PABPC1: variants seen among roughly 807,000 people sequenced by gnomAD.
PABPC1 encodes polyadenylate-binding protein 1.
PABPC1 carries 4 observed loss-of-function variants against 74.0 expected under a neutral mutation model. The observed-to-expected ratio is 0.05, with a 90% CI of 0.03 to 0.12. The LOEUF (loss-of-function observed/expected upper bound fraction) is 0.12, where lower values mean the gene tolerates loss of function less well. Among genes scored for constraint, PABPC1 ranks in the 10% least tolerant of loss-of-function variants. PABPC1 has a pLI of 1.00. For synonymous variants in PABPC1, 227 were observed against 264.1 expected, an observed-to-expected ratio of 0.86 and a Z score of 1.36; for missense variants, 271 against 821.1, an observed-to-expected ratio of 0.33 and a Z score of 8.19.
intron 1 of PABPC1, among the ~76,000 whole-genome samples, chr8:100,720,791 G>T (rs926605085): frequency 6.6e-6 from 1 of 152,184 alleles, no homozygotes; most frequent in African/African-American, 2.4e-5. Flanking sequence ...ATGAGTTCTG[G>T]GAAGTGGACT....
intron 6 of PABPC1, 78 bp downstream of exon 6, chr8:100,712,574 A>G: frequency 6.5e-7 from 1 of 1,541,130 alleles, no homozygotes; most frequent in Non-Finnish European, 8.8e-7. Context: ...CCCTCCAGCT[A>G]CCTGGAAGTA....
chr8:100,716,905 A>G (rs370476813), intron 3 of PABPC1, among the ~76,000 whole-genome samples: 14 of 152,242 alleles, frequency 9.2e-5, no homozygotes, highest in Non-Finnish European at 2.9e-5. Context: ...CAAAAGAGTT[A>G]TATCACTTTT....
At chr8:100,715,436 G>A (rs1364453647) in intron 4 of PABPC1, 26 bp downstream of exon 4, 2 of 1,561,658 alleles carry the variant, frequency 1.3e-6, no homozygotes, top group Non-Finnish European at 1.7e-6. Context: ...AGCTTTGTGT[G>A]TAAAAATTTA....
At chr8:100,704,054 CAAAAAAAA>C (rs34116624) in intron 14 of PABPC1, 5 of 172,584 alleles carry the variant, frequency 2.9e-5, no homozygotes, top group Admixed American at 1.8e-4. Flanking sequence ...AACTCCATCT[CAAAAAAAA>C]AAAAAAAAAA....
At chr8:100,720,997 G>A (rs1810809153) in intron 1 of PABPC1, among the ~76,000 whole-genome samples, 1 of 152,170 alleles carries the variant, frequency 6.6e-6, no homozygotes, top group African/African-American at 2.4e-5. Context: ...GCCGGCAGGA[G>A]CTCCGGGTGG....
At chr8:100,703,536 AAGATCATTTC>A (rs1340810163) in intron 14 of PABPC1, among the ~76,000 whole-genome samples, 177 bp from the exon 15 acceptor site, 1 of 152,204 alleles carries the variant, frequency 6.6e-6, no homozygotes, top group Non-Finnish European at 1.5e-5. Context: ...ACACTGGAAC[AAGATCATTTC>A]AGAGATAACA....
chr8:100,712,548 C>T (rs1217623856), intron 6 of PABPC1, 91 bp from the exon 7 acceptor site: 1 of 1,475,560 alleles, frequency 6.8e-7, no homozygotes, highest in Non-Finnish European at 9.3e-7. Context: ...ATTTCTTCTC[C>T]TATTCCCCTC....
At chr8:100,719,192 AAG>A (rs1030857105) in intron 1 of PABPC1, among the ~76,000 whole-genome samples, 5 of 152,212 alleles carry the variant, frequency 3.3e-5, no homozygotes, top group African/African-American at 1.2e-4. Context: ...CTAGTCCCCG[AAG>A]AGAGGGAAAA....
chr8:100,712,854 AAC>A, intron 5 of PABPC1, 65 bp from the exon 6 acceptor site: 1 of 1,484,388 alleles, frequency 6.7e-7, no homozygotes, highest in Non-Finnish European at 9.0e-7. Flanking sequence ...TCATTTCCTT[AAC>A]AGTTAAGACA....
chr8:100,707,038 T>C, intron 9 of PABPC1, 41 bp from the exon 10 acceptor site: 2 of 1,397,968 alleles, frequency 1.4e-6, no homozygotes, highest in Non-Finnish European at 2.0e-6. Context: ...CTGGGAAAAC[T>C]TACTGAGTGA....
chr8:100,718,012 A>C, intron 2 of PABPC1, 75 bp downstream of exon 2: 1 of 1,389,660 alleles, frequency 7.2e-7, no homozygotes, highest in Admixed American at 1.7e-5. Context: ...CCATTACTGC[A>C]CAGTTCCTAT....
Position 100,721,340 on chromosome 8 carries a change from G to T in PABPC1, c.193+51C>A, listed in dbSNP as rs776849276. On this transcript the variant is annotated intron_variant, in intron 1 of 14. Coordinates refer to ENST00000318607, the MANE Select transcript of PABPC1 (RefSeq NM_002568.4). This position sits in a 1 kb window ranked among gnomAD's most constrained non-coding sequence, Gnocchi z 7.4. Reference sequence around the variant, plus strand: ...CCTACCCCGCCCGCCGCCGCCGCCCGAGCCTCATGGCCGCCCGCCCGCCCG... The same window carrying T: ...CCTACCCCGCCCGCCGCCGCCGCCCTAGCCTCATGGCCGCCCGCCCGCCCG... The T allele has an allele frequency of 1.1e-6, 1 of 939,732 alleles. No individual in the cohort carries two copies. The highest frequency in any genetic ancestry group is 1.4e-6 in the Non-Finnish European group (1 of 728,678). The allele number at this position is 939,732 out of a possible 1,614,324, so 58.2% of individuals were successfully genotyped here.
intron 7 of PABPC1, 76 bp from the exon 8 acceptor site, chr8:100,709,807 AT>A: frequency 7.3e-7 from 1 of 1,366,000 alleles, no homozygotes; most frequent in South Asian, 1.5e-5. Flanking sequence ...AATTTAGACA[AT>A]TATAAATCAC....
At chr8:100,706,540 A>G (rs1693555) in intron 11 of PABPC1, 111 bp downstream of exon 11, 428,005 of 904,060 alleles carry the variant, frequency 0.47, 103,062 homozygotes, top group African/African-American at 0.63. Context: ...GCCTGCCTCA[A>G]CCTCCCAAAG....
At chr8:100,715,367 T>C in intron 4 of PABPC1, 95 bp downstream of exon 4, 1 of 1,139,092 alleles carries the variant, frequency 8.8e-7, no homozygotes, top group East Asian at 2.4e-5. Context: ...GTAAGTCTAA[T>C]TTTATTGACT....
chr8:100,711,616 T>G (rs1309869756), intron 7 of PABPC1, among the ~76,000 whole-genome samples: 1 of 152,238 alleles, frequency 6.6e-6, no homozygotes, highest in East Asian at 1.9e-4. Context: ...TACTCTTACA[T>G]AAAAAGCATA....
chr8:100,709,253 C>T, intron 8 of PABPC1, 30 bp from the exon 9 acceptor site: 1 of 1,593,798 alleles, frequency 6.3e-7, no homozygotes, highest in Non-Finnish European at 8.6e-7. Flanking sequence ...ATGAGTTTAT[C>T]AGTTGAAGAA....
At position 100,712,647 on chromosome 8, in the gene PABPC1, T is replaced by G; in HGVS notation, c.876+5A>C. ...CTTATTTTGGTTGTTCAATTAAAAA[T>G]GAACCTGGTATCTGGTGATCCTATC... On this transcript the variant is annotated splice_donor_5th_base_variant and intron_variant, in intron 6 of 14. Coordinates refer to ENST00000318607, the MANE Select transcript of PABPC1 (RefSeq NM_002568.4). The G allele has an allele frequency of 8.9e-6, 14 of 1,572,336 alleles. No homozygotes were observed. Among genetic ancestry groups the G allele is most frequent in the Non-Finnish European group, 1.1e-5 (13 of 1,159,718 alleles).
intron 4 of PABPC1, 22 bp downstream of exon 4, chr8:100,715,440 A>T (rs757657263): frequency 1.3e-5 from 21 of 1,567,146 alleles, no homozygotes; most frequent in Non-Finnish European, 1.6e-5. Context: ...TTGTGTGTAA[A>T]AATTTAATTA....
Sources: allele counts gnomAD v4.1 joint callset (sites outside exome capture counted in the v4.1 genomes callset), GRCh38; gene constraint gnomAD v4.1.1; non-coding constraint Gnocchi (gnomAD v3.1); transcripts MANE v1.5; gene names NCBI Gene and HGNC (gene_info 2026-07-23, HGNC 2026-07-21).